Variants in PTPRD observed in about 807,000 individuals in gnomAD.
The protein encoded by PTPRD is protein tyrosine phosphatase receptor type D.
A neutral mutation model predicts 214.5 loss-of-function variants in PTPRD; 34 were observed. The observed-to-expected ratio is 0.16, with a 90% CI of 0.12 to 0.21. The LOEUF (loss-of-function observed/expected upper bound fraction) is 0.21, where lower values mean the gene tolerates loss of function less well. Among genes scored for constraint, PTPRD ranks in the 10% least tolerant of loss-of-function variants. The pLI, the probability that PTPRD is intolerant of heterozygous loss-of-function variation, is 1.00. For missense variants in PTPRD, 2,545 were observed against 2,398.7 expected (o/e 1.06, Z -1.27); for synonymous variants, 1,128 against 845.7 (o/e 1.33, Z -5.79).
intron 14 of PTPRD, among the ~76,000 whole-genome samples, chr9:8,560,564 C>T (rs530600764): frequency 6.6e-6 from 1 of 151,838 alleles, no homozygotes; most frequent in Non-Finnish European, 1.5e-5. Context: ...AGATGAGTAT[C>T]CAGCTATATA....
intron 3 of PTPRD, among the ~76,000 whole-genome samples, chr9:10,049,367 C>G (rs1368786716): frequency 7.3e-6 from 1 of 137,254 alleles, no homozygotes; most frequent in East Asian, 2.2e-4. Flanking sequence ...ACATACTGAA[C>G]TGGATTAAAA....
At chr9:9,612,293 T>C (rs2094554847) in intron 7 of PTPRD, among the ~76,000 whole-genome samples, 3 of 152,170 alleles carry the variant, frequency 2.0e-5, no homozygotes, top group Non-Finnish European at 2.9e-5. Flanking sequence ...ATGCGAATAG[T>C]ACAGCTTGTG....
intron 7 of PTPRD, among the ~76,000 whole-genome samples, chr9:9,628,747 A>T: frequency 6.6e-6 from 1 of 152,118 alleles, no homozygotes; most frequent in Non-Finnish European, 1.5e-5. Context: ...AGGTTTTTCC[A>T]TGATTATGTA....
chr9:8,500,631 A>G, intron 24 of PTPRD, 123 bp downstream of exon 24: 1 of 873,534 alleles, frequency 1.1e-6, no homozygotes, highest in Non-Finnish European at 1.7e-6. Flanking sequence ...CAAAAATACT[A>G]AAGTAACAGC....
At chr9:9,569,574 G>A (rs1334950915) in intron 8 of PTPRD, among the ~76,000 whole-genome samples, 2 of 150,978 alleles carry the variant, frequency 1.3e-5, no homozygotes, top group African/African-American at 4.9e-5. Context: ...CTAACACTTC[G>A]TTATCAACAA....
At chr9:8,893,899 A>G (rs1219676528) in intron 11 of PTPRD, among the ~76,000 whole-genome samples, 3 of 152,148 alleles carry the variant, frequency 2.0e-5, no homozygotes, top group Non-Finnish European at 4.4e-5. Flanking sequence ...AATCCCACAG[A>G]ACAATTTTAT....
intron 3 of PTPRD, among the ~76,000 whole-genome samples, chr9:10,253,967 A>G (rs906436410): frequency 1.3e-5 from 2 of 152,182 alleles, no homozygotes; most frequent in Non-Finnish European, 2.9e-5. Flanking sequence ...TTTAAATAAG[A>G]TTAAACAACC....
chr9:8,637,509 T>G (rs1042469700), intron 12 of PTPRD, among the ~76,000 whole-genome samples: 1 of 152,224 alleles, frequency 6.6e-6, no homozygotes, highest in Non-Finnish European at 1.5e-5. Flanking sequence ...TACAAAGATG[T>G]AGACTTAAAG....
chr9:9,713,043 A>T (rs1320354231), intron 7 of PTPRD, among the ~76,000 whole-genome samples: 1 of 152,206 alleles, frequency 6.6e-6, no homozygotes, highest in Non-Finnish European at 1.5e-5. Context: ...TCACTCATCA[A>T]GTCATGCACA....
intron 11 of PTPRD, among the ~76,000 whole-genome samples, chr9:8,884,385 G>A (rs750939500): frequency 1.3e-5 from 2 of 152,214 alleles, no homozygotes; most frequent in Admixed American, 1.3e-4. Flanking sequence ...AGTACAACTT[G>A]GTTGAAGTGG....
At chr9:8,432,862 A>G (rs1052420686) in intron 35 of PTPRD, among the ~76,000 whole-genome samples, 11 of 152,202 alleles carry the variant, frequency 7.2e-5, no homozygotes, top group African/African-American at 2.7e-4. Flanking sequence ...TGAAGAGTCT[A>G]TGTGGGCTAT....
At chr9:10,349,221 CT>C (rs1224227220) in intron 2 of PTPRD, among the ~76,000 whole-genome samples, 1 of 133,476 alleles carries the variant, frequency 7.5e-6, no homozygotes, top group East Asian at 2.2e-4. Flanking sequence ...TCAAAATCAT[CT>C]TTGGGGAAAG....
At chr9:9,130,723 C>T (rs532039687) in intron 10 of PTPRD, among the ~76,000 whole-genome samples, 5 of 152,108 alleles carry the variant, frequency 3.3e-5, no homozygotes, top group East Asian at 3.9e-4. Context: ...CTGGGTGTTG[C>T]GTATGGATAA....
intron 9 of PTPRD, among the ~76,000 whole-genome samples, chr9:9,243,179 C>T (rs1386959907): frequency 6.6e-6 from 1 of 152,054 alleles, no homozygotes; most frequent in African/African-American, 2.4e-5. Context: ...AGTCCAGGCC[C>T]AGATGGATTC....
chr9:9,407,143 G>A (rs936329924), intron 8 of PTPRD, among the ~76,000 whole-genome samples: 5 of 151,746 alleles, frequency 3.3e-5, no homozygotes, highest in African/African-American at 1.2e-4. Flanking sequence ...TTATAATACT[G>A]TAGATTGGCT....
chr9:9,577,309 A>G (rs973958690), intron 7 of PTPRD, among the ~76,000 whole-genome samples: 7 of 152,250 alleles, frequency 4.6e-5, no homozygotes, highest in African/African-American at 1.7e-4. Context: ...AATGTCTGTA[A>G]CCTCAGCACT....
intron 10 of PTPRD, among the ~76,000 whole-genome samples, chr9:9,110,471 C>T (rs1165115603): frequency 1.3e-5 from 2 of 152,238 alleles, no homozygotes; most frequent in Admixed American, 6.6e-5. Flanking sequence ...GAGTATATCA[C>T]ATATTTCTCA....
chr9:8,714,931 C>T lies in PTPRD; in HGVS notation c.64+18849G>A, dbSNP rs1245867547. On this transcript the variant is annotated intron_variant, in intron 12 of 45. Coordinates refer to ENST00000381196, the MANE Select transcript of PTPRD (RefSeq NM_002839.4). ...AATTTAGAGCCCCCTAGAATGCGAC[C>T]TTAATGGTGCAAGATTTTTTTTTTT... 2.6e-5 allele frequency among the ~76,000 whole-genome samples: 4 copies of T among 151,770 alleles called. No individual in the cohort carries two copies. In the East Asian group the frequency reaches 5.8e-4, roughly 22 times the overall value.
At chr9:9,859,502 T>C (rs2062240857) in intron 5 of PTPRD, among the ~76,000 whole-genome samples, 1 of 152,194 alleles carries the variant, frequency 6.6e-6, no homozygotes, top group Non-Finnish European at 1.5e-5. Context: ...ATCCTTATCC[T>C]GAGCCAAATT....
Sources: allele counts gnomAD v4.1 joint callset (sites outside exome capture counted in the v4.1 genomes callset), GRCh38; gene constraint gnomAD v4.1.1; transcripts MANE v1.5; gene names NCBI Gene and HGNC (gene_info 2026-07-23, HGNC 2026-07-21).